PEX5L: variants seen among roughly 807,000 people sequenced by gnomAD.
PEX5L encodes the protein peroxisomal biogenesis factor 5 like, also known as PEX5-related protein.
A neutral mutation model predicts 84.0 loss-of-function variants in PEX5L; 30 were observed. The ratio of observed to expected loss-of-function variants is 0.36; its 90% CI spans 0.27 to 0.48. The LOEUF (loss-of-function observed/expected upper bound fraction) is 0.48. PEX5L is among the 20% of genes least tolerant of loss of function. The pLI is 0.99. For synonymous variants in PEX5L, 270 were observed against 283.1 expected (o/e 0.95, Z 0.46); for missense variants, 533 against 754.6 (o/e 0.71, Z 3.44).
intron 1 of PEX5L, among the ~76,000 whole-genome samples, chr3:180,002,931 A>G (rs1579304097): frequency 6.6e-6 from 1 of 152,128 alleles, no homozygotes; most frequent in East Asian, 1.9e-4. Context: ...ATTATCTTAC[A>G]TTTTCATAGC....
rs933076022 is a variant in PEX5L, at chr3:179,800,138, G to A, written c.*1690C>T. The A allele has an allele frequency of 2.6e-5, 4 of 152,222 alleles. No individual in the cohort carries two copies. The highest frequency in any genetic ancestry group is 9.6e-5 in the African/African-American group (4 of 41,456). The allele number at this position is 152,222 out of a possible 1,614,324, so 9.4% of individuals were successfully genotyped here. A position where few individuals can be genotyped will look rare whatever the true frequency, so the allele number is the denominator to read the frequency against. ...CCCAAGGACTTCAGATGTAACAGAG[G>A]AGAGGATTTTATTCCTGTACCTCGC... On this transcript the variant is annotated 3_prime_UTR_variant, in exon 15 of 15. Transcript: ENST00000467460.
At chr3:180,012,516 T>A (rs1465379789) in intron 1 of PEX5L, among the ~76,000 whole-genome samples, 1 of 152,180 alleles carries the variant, frequency 6.6e-6, no homozygotes, top group Non-Finnish European at 1.5e-5. Flanking sequence ...AAACCCATTG[T>A]CTTCTTTAGA....
intron 2 of PEX5L, among the ~76,000 whole-genome samples, chr3:179,938,247 T>C (rs1271604598): frequency 6.6e-6 from 1 of 152,172 alleles, no homozygotes; most frequent in Non-Finnish European, 1.5e-5. Flanking sequence ...TTTCATCTAT[T>C]AAAATGTGGG....
chr3:179,938,791 C>T (rs1040881636), intron 2 of PEX5L, among the ~76,000 whole-genome samples: 1 of 152,182 alleles, frequency 6.6e-6, no homozygotes, highest in African/African-American at 2.4e-5. Context: ...TTGGGGCATG[C>T]TGCATTTTGT....
intron 2 of PEX5L, among the ~76,000 whole-genome samples, chr3:179,928,452 G>C (rs1051740823): frequency 6.6e-6 from 1 of 152,064 alleles, no homozygotes; most frequent in Non-Finnish European, 1.5e-5. Context: ...AGGGCCTCTC[G>C]GGGACACACA....
rs1367919624 is a variant in PEX5L at position 180,023,798 on chromosome 3, G to GTA, written c.21+12780_21+12781insTA. 4.1e-4 allele frequency among the ~76,000 whole-genome samples: 60 copies of GTA among 146,724 alleles called. 1 individual carries two copies. The highest frequency in any genetic ancestry group is 1.4e-3 in the African/African-American group (55 of 39,566). The stretch of plus-strand genomic sequence containing the variant: ...GAGAGAGAGAGAGAGAGAGAGAGAG[G>GTA]GAGAGACTAGCTGCTTGGTAGAGGA... On this transcript the variant is annotated intron_variant, in intron 1 of 14. Transcript: ENST00000467460.
intron 2 of PEX5L, among the ~76,000 whole-genome samples, chr3:179,912,778 T>G (rs1765635955): frequency 6.6e-6 from 1 of 152,120 alleles, no homozygotes. Flanking sequence ...CATTCCCAAT[T>G]ATTTTTTCCA....
chr3:179,810,336 TC>T (rs2108794338), intron 11 of PEX5L, among the ~76,000 whole-genome samples: 1 of 152,126 alleles, frequency 6.6e-6, no homozygotes, highest in Non-Finnish European at 1.5e-5. Context: ...ATATCTATTA[TC>T]CCCAAAGAGA....
At chr3:179,965,915 A>C (rs1783210822) in intron 2 of PEX5L, among the ~76,000 whole-genome samples, 1 of 152,182 alleles carries the variant, frequency 6.6e-6, no homozygotes, top group Non-Finnish European at 1.5e-5. Context: ...TTTCTATTTA[A>C]CCTAATGGAA....
intron 1 of PEX5L, among the ~76,000 whole-genome samples, chr3:180,005,159 C>T (rs553364017): frequency 2.6e-5 from 4 of 152,098 alleles, no homozygotes; most frequent in South Asian, 4.2e-4. Context: ...AAATAGCATA[C>T]GGAATGGTAA....
chr3:180,035,127 T>G (rs766057003), intron 1 of PEX5L, among the ~76,000 whole-genome samples: 6 of 152,186 alleles, frequency 3.9e-5, no homozygotes, highest in Non-Finnish European at 7.4e-5. Context: ...GAGGGTTGAC[T>G]CTATTAAAAT....
chr3:179,999,896 G>A (rs1298177217), intron 1 of PEX5L, among the ~76,000 whole-genome samples: 2 of 152,072 alleles, frequency 1.3e-5, no homozygotes, highest in East Asian at 3.9e-4. Flanking sequence ...AATTATGAAG[G>A]CACAATTACA....
intron 1 of PEX5L, among the ~76,000 whole-genome samples, chr3:180,034,703 T>A (rs1270558060): frequency 6.6e-6 from 1 of 152,100 alleles, no homozygotes; most frequent in Non-Finnish European, 1.5e-5. Flanking sequence ...TGCTCTGAAA[T>A]TTTGGTGGAT....
At chr3:179,846,415 C>T (rs1739374812) in intron 8 of PEX5L, among the ~76,000 whole-genome samples, 1 of 152,134 alleles carries the variant, frequency 6.6e-6, no homozygotes, top group Non-Finnish European at 1.5e-5. Context: ...CCTACTGTGC[C>T]ATTCAACACT....
chr3:179,900,868 G>T, intron 2 of PEX5L: 1 of 618,404 alleles, frequency 1.6e-6, no homozygotes, highest in South Asian at 2.0e-5. Flanking sequence ...AGGACAGAAT[G>T]GGAAGGTCTG....
intron 2 of PEX5L, among the ~76,000 whole-genome samples, chr3:179,944,563 C>T (rs1777014370): frequency 6.6e-6 from 1 of 152,214 alleles, no homozygotes; most frequent in Non-Finnish European, 1.5e-5. Context: ...TTCCCATTCT[C>T]ATCCCTTCCT....
chr3:179,849,735 C>T (rs910056908), intron 8 of PEX5L, among the ~76,000 whole-genome samples: 1 of 152,196 alleles, frequency 6.6e-6, no homozygotes, highest in Non-Finnish European at 1.5e-5. Flanking sequence ...TCAAGGCTGG[C>T]TCACATAGAG....
intron 2 of PEX5L, among the ~76,000 whole-genome samples, chr3:179,899,965 T>C (rs1760747203): frequency 6.6e-6 from 1 of 152,180 alleles, no homozygotes; most frequent in Non-Finnish European, 1.5e-5. Flanking sequence ...AGGTGCACAA[T>C]GATTCCAGGT....
intron 2 of PEX5L, among the ~76,000 whole-genome samples, chr3:179,931,250 C>G (rs754047440): frequency 6.6e-6 from 1 of 152,152 alleles, no homozygotes; most frequent in Non-Finnish European, 1.5e-5. Flanking sequence ...CAATAACGGA[C>G]CTGGCAAAGC....
Sources: gnomAD v4.1 joint callset for allele counts (sites outside exome capture counted in the v4.1 genomes callset) on GRCh38, gnomAD v4.1.1 for gene constraint, MANE v1.5 for transcripts, NCBI Gene and HGNC (gene_info 2026-07-23, HGNC 2026-07-21) for gene names.